Variants in DYRK1A observed in about 807,000 individuals in gnomAD.
DYRK1A encodes dual specificity tyrosine-phosphorylation-regulated kinase 1A.
Under a neutral mutation model 79.7 loss-of-function variants are expected in DYRK1A, and 9 were observed. The ratio of observed to expected loss-of-function variants is 0.11; its 90% CI spans 0.07 to 0.20. DYRK1A has a LOEUF of 0.20. DYRK1A is among the 10% of genes least tolerant of loss of function. The pLI, the probability that DYRK1A is intolerant of heterozygous loss-of-function variation, is 1.00. For missense variants in DYRK1A, 622 were observed against 956.0 expected (o/e 0.65, Z 4.61); for synonymous variants, 349 against 329.7 (o/e 1.06, Z -0.63).
chr21:37,450,806 G>A (rs1425690429), intron 2 of DYRK1A, among the ~76,000 whole-genome samples: 1 of 152,180 alleles, frequency 6.6e-6, no homozygotes, highest in African/African-American at 2.4e-5. Flanking sequence ...AATAAGACCA[G>A]TACTTCCCTC....
At chr21:37,377,769 A>G (rs1405407857) in intron 1 of DYRK1A, among the ~76,000 whole-genome samples, 1 of 152,100 alleles carries the variant, frequency 6.6e-6, no homozygotes, top group African/African-American at 2.4e-5. Flanking sequence ...TATTGTTCTT[A>G]ATGGTCGGAA....
intron 1 of DYRK1A, among the ~76,000 whole-genome samples, chr21:37,374,799 T>C (rs2049504615): frequency 6.6e-6 from 1 of 152,294 alleles, no homozygotes; most frequent in African/African-American, 2.4e-5. Flanking sequence ...GTGATCCGCC[T>C]GCCTTGGCCT....
intron 1 of DYRK1A, among the ~76,000 whole-genome samples, chr21:37,379,893 TG>T (rs988009979): frequency 1.2e-4 from 19 of 152,200 alleles, no homozygotes; most frequent in African/African-American, 3.6e-4. Context: ...TAGAAAAACC[TG>T]GGGCCTGGGA....
chr21:37,427,099 T>C (rs2050647246), intron 2 of DYRK1A, among the ~76,000 whole-genome samples: 1 of 151,626 alleles, frequency 6.6e-6, no homozygotes. Context: ...CTCAAGAAAA[T>C]TTGTTGAAAT....
chr21:37,498,462 T>G (rs947765431), intron 9 of DYRK1A, among the ~76,000 whole-genome samples: 5 of 152,230 alleles, frequency 3.3e-5, no homozygotes, highest in African/African-American at 1.2e-4. Flanking sequence ...ATTGTTTAGT[T>G]TTGGGTTTTC....
chr21:37,423,028 G>A (rs2050518820), intron 2 of DYRK1A, among the ~76,000 whole-genome samples: 1 of 152,166 alleles, frequency 6.6e-6, no homozygotes. Context: ...GTGAGCATTT[G>A]CTTTGTACCA....
Position 37,478,279 on chromosome 21 carries a change from A to G in DYRK1A, c.279A>G (p.Lys93=). Residue 93 remains lysine (K), a synonymous_variant, in exon 4 of 12, where the codon AAA becomes AAG. Coordinates refer to ENST00000647188, the MANE Select transcript of DYRK1A (RefSeq NM_001347721.2). ...PLRKLSVDLI[K]TYKHINEVYY... ...GAAAACTTTCTGTTGACTTGATCAAAACATACAAGCATATTAATGAGGTAA... is the reference window on the plus strand; with the variant it reads ...GAAAACTTTCTGTTGACTTGATCAAGACATACAAGCATATTAATGAGGTAA... The G allele has an allele frequency of 6.2e-7, 1 of 1,614,000 alleles. No homozygotes were observed. Among genetic ancestry groups the G allele is most frequent in the Non-Finnish European group, 8.5e-7 (1 of 1,179,866 alleles).
chr21:37,392,544 G>A (rs750110814), intron 1 of DYRK1A, among the ~76,000 whole-genome samples: 4 of 152,186 alleles, frequency 2.6e-5, no homozygotes, highest in Non-Finnish European at 5.9e-5. Context: ...GGTGTTTGCC[G>A]AAGGCCTGCT....
At position 37,473,656 on chromosome 21, in the gene DYRK1A, T is replaced by C. The variant is rs73400122; in HGVS notation, c.207+776T>C. Among the ~76,000 whole-genome samples, 688 of 152,156 alleles carry C rather than the reference T, an allele frequency of 4.5e-3. 4 individuals carry two copies. Among genetic ancestry groups the C allele is most frequent in the African/African-American group, 0.016 (644 of 41,542 alleles). ...TCTTTTGTTTAGGTCTTTTAATATATTGTGTGAGGATAAAAGAGTTGGGAG... is the reference window on the plus strand; with the variant it reads ...TCTTTTGTTTAGGTCTTTTAATATACTGTGTGAGGATAAAAGAGTTGGGAG... On this transcript the variant is annotated intron_variant, in intron 3 of 11. Coordinates refer to ENST00000647188, the MANE Select transcript of DYRK1A (RefSeq NM_001347721.2).
chr21:37,443,026 C>T (rs1023860722), intron 2 of DYRK1A, among the ~76,000 whole-genome samples: 8 of 152,180 alleles, frequency 5.3e-5, no homozygotes, highest in Admixed American at 3.9e-4. Flanking sequence ...GTAGTAGAAA[C>T]GAAGTCTCTT....
chr21:37,393,899 C>T (rs887955056), intron 1 of DYRK1A, among the ~76,000 whole-genome samples: 1 of 152,188 alleles, frequency 6.6e-6, no homozygotes, highest in African/African-American at 2.4e-5. Context: ...CTGGTTTCCC[C>T]ACAAGTGCGC....
intron 2 of DYRK1A, among the ~76,000 whole-genome samples, chr21:37,458,359 TATCTTTTTGATTTTGAAAAAA>T (rs1332005505): frequency 6.6e-6 from 1 of 151,762 alleles, no homozygotes; most frequent in Non-Finnish European, 1.5e-5. Context: ...AGTATTTCAC[TATCTTTTTGATTTTGAAAAAA>T]ATGAACTAAG....
rs565322883 is a variant in DYRK1A, at chr21:37,398,752, T to G, written c.-76-21547T>G. 5.3e-5 allele frequency among the ~76,000 whole-genome samples: 8 copies of G among 152,270 alleles called. No individual in the cohort carries two copies. The East Asian group carries it at 1.5e-3, about 29-fold the overall frequency. The stretch of plus-strand genomic sequence containing the variant: ...GAGAGAAGACTTAAAAACTATTCAT[T>G]ATAATGTCCTTAAGAATCATTTTCT... On this transcript the variant is annotated intron_variant, in intron 1 of 11. Coordinates refer to ENST00000647188, the MANE Select transcript of DYRK1A (RefSeq NM_001347721.2).
chr21:37,444,438 T>G (rs2051201644), intron 2 of DYRK1A, among the ~76,000 whole-genome samples: 1 of 152,186 alleles, frequency 6.6e-6, no homozygotes, highest in African/African-American at 2.4e-5. Flanking sequence ...ACGCATTAAT[T>G]TATTAATTGA....
intron 2 of DYRK1A, among the ~76,000 whole-genome samples, chr21:37,431,159 A>G (rs769058486): frequency 2.4e-4 from 36 of 152,180 alleles, no homozygotes; most frequent in Non-Finnish European, 4.9e-4. Flanking sequence ...GGATAAGAAC[A>G]ATATGTTTAC....
At position 37,512,306 on chromosome 21, in the gene DYRK1A, C is replaced by T. The variant is rs1295350366; in HGVS notation, c.2040C>T (p.Thr680=). Residue 680 remains threonine (T), a synonymous_variant, in exon 12 of 12, where the codon ACC becomes ACT. Coordinates refer to ENST00000647188, the MANE Select transcript of DYRK1A (RefSeq NM_001347721.2). ...AYQNRPVAAN[T]LDFGQNGAMD... ...AGAATCGCCCAGTGGCTGCTAATACCTTGGACTTTGGACAGAATGGAGCTA... is the reference window on the plus strand; with the variant it reads ...AGAATCGCCCAGTGGCTGCTAATACTTTGGACTTTGGACAGAATGGAGCTA... 1 of 1,614,244 alleles carries T rather than the reference C, an allele frequency of 6.2e-7. No homozygotes were observed. Among genetic ancestry groups the T allele is most frequent in the Non-Finnish European group, 8.5e-7 (1 of 1,180,042 alleles).
chr21:37,368,384 G>C (rs1484606698), intron 1 of DYRK1A, among the ~76,000 whole-genome samples: 2 of 152,228 alleles, frequency 1.3e-5, no homozygotes, highest in African/African-American at 4.8e-5. Context: ...CAAAGCTGCT[G>C]AGTAGCTCAG....
At position 37,418,232 on chromosome 21, in the gene DYRK1A, G is replaced by T. The variant is rs16995079; in HGVS notation, c.-76-2067G>T. ...AAGGTGAAGATTTCTGGAGTTTATT[G>T]TTACTTAGCATATGATGGTTTGGTT... On this transcript the variant is annotated intron_variant, in intron 1 of 11. Transcript: ENST00000647188. Among the ~76,000 whole-genome samples, 1,072 of 152,256 alleles carry T rather than the reference G, an allele frequency of 7.0e-3. 13 individuals carry two copies. The highest frequency in any genetic ancestry group is 0.025 in the African/African-American group (1,029 of 41,548).
intron 2 of DYRK1A, among the ~76,000 whole-genome samples, chr21:37,434,446 A>G (rs1312796254): frequency 6.6e-6 from 1 of 152,228 alleles, no homozygotes; most frequent in Non-Finnish European, 1.5e-5. Flanking sequence ...ATGTGAGATT[A>G]AAGAAACTCT....
Sources: gnomAD v4.1 joint callset for allele counts (sites outside exome capture counted in the v4.1 genomes callset) on GRCh38, gnomAD v4.1.1 for gene constraint, MANE v1.5 for transcripts, NCBI Gene and HGNC (gene_info 2026-07-23, HGNC 2026-07-21) for gene names.